Variants in MTUS2 observed in about 807,000 individuals in gnomAD.
MTUS2 encodes the protein microtubule associated scaffold protein 2, also known as microtubule-associated tumor suppressor candidate 2.
A neutral mutation model predicts 114.1 loss-of-function variants in MTUS2; 40 were observed. The observed-to-expected ratio is 0.35, with a 90% CI of 0.27 to 0.46. The LOEUF is 0.46. Among genes scored for constraint, MTUS2 ranks in the 20% least tolerant of loss-of-function variants. The pLI is 1.00. For missense variants in MTUS2, 1,679 were observed against 1,705.4 expected (o/e 0.98, Z 0.27); for synonymous variants, 688 against 672.0 (o/e 1.02, Z -0.37).
intron 1 of MTUS2, among the ~76,000 whole-genome samples, chr13:28,831,860 G>A (rs368711664): frequency 2.6e-5 from 4 of 151,920 alleles, no homozygotes; most frequent in East Asian, 1.9e-4. Flanking sequence ...GAGTTCAAGC[G>A]ATTCTCTTGC....
chr13:29,184,750 G>A (rs4769688), intron 5 of MTUS2, among the ~76,000 whole-genome samples: 127,328 of 152,244 alleles, frequency 0.84, 53,467 homozygotes, highest in African/African-American at 0.91. Flanking sequence ...CTGAACAAAC[G>A]GACGACAAAC....
intron 5 of MTUS2, among the ~76,000 whole-genome samples, chr13:29,257,250 C>G (rs1235815637): frequency 6.6e-6 from 1 of 152,184 alleles, no homozygotes; most frequent in African/African-American, 2.4e-5. Flanking sequence ...CTTGCGGTGG[C>G]TTCGTGTTGC....
chr13:29,099,029 T>C (rs1374565000), intron 4 of MTUS2, among the ~76,000 whole-genome samples: 2 of 152,226 alleles, frequency 1.3e-5, no homozygotes, highest in Non-Finnish European at 2.9e-5. Context: ...ACAGACATCG[T>C]CCACAATCAA....
intron 2 of MTUS2, among the ~76,000 whole-genome samples, chr13:28,938,325 G>A (rs1396101274): frequency 2.6e-5 from 4 of 151,266 alleles, no homozygotes; most frequent in Non-Finnish European, 5.9e-5. Flanking sequence ...AGGTTGCAGT[G>A]AGCTGAGATT....
intron 2 of MTUS2, among the ~76,000 whole-genome samples, chr13:28,958,563 G>C (rs1169557569): frequency 6.6e-6 from 1 of 152,192 alleles, no homozygotes; most frequent in African/African-American, 2.4e-5. Flanking sequence ...TGACTGTCTG[G>C]TGTCTCAGGC....
intron 2 of MTUS2, among the ~76,000 whole-genome samples, chr13:28,848,833 C>G (rs1876060790): frequency 6.6e-6 from 1 of 152,090 alleles, no homozygotes; most frequent in Non-Finnish European, 1.5e-5. Flanking sequence ...TTTTGGCTGT[C>G]ATAACTGGGG....
At chr13:29,433,696 T>G (rs1877183235) in intron 8 of MTUS2, among the ~76,000 whole-genome samples, 1 of 152,218 alleles carries the variant, frequency 6.6e-6, no homozygotes. Flanking sequence ...GCTGTTTCCT[T>G]GCAGCTGGTT....
At chr13:29,307,647 C>A in intron 6 of MTUS2, 4 of 1,138,724 alleles carry the variant, frequency 3.5e-6, no homozygotes, top group South Asian at 1.2e-5. Context: ...ACAGCGACAC[C>A]CACTCTTCCA....
Position 29,025,780 on chromosome 13 carries a change from G to A in MTUS2, c.1082G>A (p.Gly361Asp), listed in dbSNP as rs1347448831. The change falls in exon 3 of 16, where the codon GGC becomes GAC. Residue 361 changes from glycine (G) to aspartate (D), a missense_variant. Physicochemically the swap from Gly to Asp is moderately conservative, Grantham distance 94. Around this residue, in one of 3 missense-constraint regions of MTUS2, gnomAD observed 843 missense variants for 770.8 expected, o/e 1.09. Transcript: ENST00000612955. ...CACCCGGAAGCCACCGATGCACTTG[G>A]CCATCTGCTGAACAGTGACCTCCAC... ...EAHPEATDALGHLLNSDLHHL... is the reference protein window; with the variant it reads ...EAHPEATDALDHLLNSDLHHL... 3 of 1,613,994 alleles carry A rather than the reference G, an allele frequency of 1.9e-6. No individual in the cohort carries two copies. The South Asian group carries it at 3.3e-5, about 18-fold the overall frequency.
intron 8 of MTUS2, among the ~76,000 whole-genome samples, chr13:29,376,423 A>G (rs1298992090): frequency 6.6e-6 from 1 of 152,206 alleles, no homozygotes; most frequent in Non-Finnish European, 1.5e-5. Context: ...ATGTAGTCAA[A>G]AATACAATAA....
chr13:29,354,434 G>A (rs1304112344), intron 7 of MTUS2, among the ~76,000 whole-genome samples: 2 of 152,030 alleles, frequency 1.3e-5, no homozygotes, highest in East Asian at 3.9e-4. Context: ...TGTACTTCTT[G>A]TAAATCACAA....
At chr13:29,058,388 T>A (rs952892095) in intron 4 of MTUS2, among the ~76,000 whole-genome samples, 1 of 151,984 alleles carries the variant, frequency 6.6e-6, no homozygotes, top group African/African-American at 2.4e-5. Flanking sequence ...ATTGCTTGTT[T>A]ACTCTCCCTT....
intron 5 of MTUS2, among the ~76,000 whole-genome samples, chr13:29,244,983 T>TAAAAAAA (rs1156962360): frequency 4.4e-4 from 43 of 98,508 alleles, no homozygotes; most frequent in East Asian, 7.1e-4. Flanking sequence ...AAAAAAAAAG[T>TAAAAAAA]AAAAGTCTGT....
intron 6 of MTUS2, among the ~76,000 whole-genome samples, chr13:29,295,224 G>A (rs896085390): frequency 1.3e-5 from 2 of 151,878 alleles, no homozygotes; most frequent in Admixed American, 6.6e-5. Flanking sequence ...AATCAAATCA[G>A]AGTAGTGTAT....
rs555805888 is a variant in MTUS2 at position 29,258,255 on chromosome 13, G to A, written c.2645-23449G>A. Among the ~76,000 whole-genome samples the A allele has an allele frequency of 3.9e-5, 6 of 152,266 alleles. No individual in the cohort carries two copies. In the South Asian group the frequency reaches 6.2e-4, roughly 16 times the overall value. On this transcript the variant is annotated intron_variant, in intron 5 of 15. Transcript: ENST00000612955. ...ACATCCTTGCAGTTGTAGGACTGAG[G>A]TACCCTTTGCTTGCCCTAGAGGCTG...
At chr13:29,089,341 T>A (rs1315171050) in intron 4 of MTUS2, among the ~76,000 whole-genome samples, 1 of 152,216 alleles carries the variant, frequency 6.6e-6, no homozygotes, top group Non-Finnish European at 1.5e-5. Flanking sequence ...CTGATGGAGT[T>A]TCCTTTGTAT....
chr13:29,505,037 G>C lies in MTUS2; in HGVS notation c.*1831G>C, dbSNP rs753889587. The stretch of plus-strand genomic sequence containing the variant: ...ACCTCCAAGGGTCTTGCTCCTTCTG[G>C]GGACGTACACAGTAAATCCACATGG... On this transcript the variant is annotated 3_prime_UTR_variant, in exon 16 of 16. Coordinates refer to ENST00000612955, the MANE Select transcript of MTUS2 (RefSeq NM_001033602.4). 6.0e-5 allele frequency: 14 copies of C among 232,458 alleles called. No homozygotes were observed. Among genetic ancestry groups the C allele is most frequent in the Non-Finnish European group, 1.2e-4 (14 of 117,652 alleles). 14.4% of individuals were successfully genotyped at this position (232,458 alleles called of 1,614,324 possible).
rs192609489 is a variant in MTUS2 at position 29,131,611 on chromosome 13, A to G, written c.2644+30641A>G. Among the ~76,000 whole-genome samples the G allele has an allele frequency of 6.8e-4, 103 of 152,354 alleles. 1 individual carries two copies. Among genetic ancestry groups the G allele is most frequent in the African/African-American group, 2.3e-3 (94 of 41,582 alleles). On this transcript the variant is annotated intron_variant, in intron 5 of 15. Transcript: ENST00000612955. ...CAGCCTGAGACATCTGTAGGTCAGCATCAACGGCTGGTCCAAGCCTGCTGG... is the reference window on the plus strand; with the variant it reads ...CAGCCTGAGACATCTGTAGGTCAGCGTCAACGGCTGGTCCAAGCCTGCTGG...
rs142076982 is a variant in MTUS2, at chr13:29,444,005, A to G, written c.3184+3956A>G. Among the ~76,000 whole-genome samples, 439 of 152,312 alleles carry G rather than the reference A, an allele frequency of 2.9e-3. 1 individual carries two copies. The highest frequency in any genetic ancestry group is 0.01 in the African/African-American group (419 of 41,562). On this transcript the variant is annotated intron_variant, in intron 9 of 15. Coordinates refer to ENST00000612955, the MANE Select transcript of MTUS2 (RefSeq NM_001033602.4). Reference sequence around the variant, plus strand: ...CAGAACAGGGCTGCCCTGTCTCCCAAATCTAAAAATTGCTGCTTAAACTGT... The same window carrying G: ...CAGAACAGGGCTGCCCTGTCTCCCAGATCTAAAAATTGCTGCTTAAACTGT...
Sources: gnomAD v4.1 joint callset for allele counts (sites outside exome capture counted in the v4.1 genomes callset) on GRCh38, gnomAD v4.1.1 for gene constraint, gnomAD v4.1.1 regional missense constraint, MANE v1.5 for transcripts, NCBI Gene and HGNC (gene_info 2026-07-23, HGNC 2026-07-21) for gene names.